The following NPR3 variants were observed in gnomAD, a reference collection of about 807,000 sequenced individuals.
NPR3 encodes natriuretic peptide receptor 3.
Under a neutral mutation model 54.5 loss-of-function variants are expected in NPR3, and 34 were observed. The ratio of observed to expected loss-of-function variants is 0.62; its 90% CI spans 0.47 to 0.83. The LOEUF (loss-of-function observed/expected upper bound fraction) is 0.83, where lower values mean the gene tolerates loss of function less well. Ranked by LOEUF, NPR3 falls within the 40% of genes least tolerant of loss-of-function variation. NPR3 has a pLI of 0.00. For missense variants in NPR3, 674 were observed against 720.8 expected, an observed-to-expected ratio of 0.94 and a Z score of 0.74; for synonymous variants, 289 against 297.1, an observed-to-expected ratio of 0.97 and a Z score of 0.28.
chr5:32,759,118 G>T (rs758453933), intron 3 of NPR3, among the ~76,000 whole-genome samples: 2 of 152,146 alleles, frequency 1.3e-5, no homozygotes, highest in Non-Finnish European at 2.9e-5. Flanking sequence ...TGTCTATTAG[G>T]TCCGCTTGGT....
At position 32,789,630 on chromosome 5, in the gene NPR3, C is replaced by T. The variant is rs1156918715; in HGVS notation, c.*3285C>T. ...GCCCTCACTTCTCCCTATTCACAGGCTTCTAAAATCATTAATTTACTCAAG... is the reference window on the plus strand; with the variant it reads ...GCCCTCACTTCTCCCTATTCACAGGTTTCTAAAATCATTAATTTACTCAAG... On this transcript the variant is annotated 3_prime_UTR_variant, in exon 8 of 8. Transcript: ENST00000265074. 1 of 534,760 alleles carries T rather than the reference C, an allele frequency of 1.9e-6. No homozygotes were observed. Among genetic ancestry groups the T allele is most frequent in the South Asian group, 1.4e-5 (1 of 71,588 alleles). 33.1% of individuals were successfully genotyped at this position (534,760 alleles called of 1,614,324 possible).
Position 32,754,037 on chromosome 5 carries a change from G to A in NPR3, c.1059+15007G>A, listed in dbSNP as rs549414787. 5.3e-5 allele frequency among the ~76,000 whole-genome samples: 8 copies of A among 152,326 alleles called. No individual in the cohort carries two copies. The South Asian group carries it at 1.7e-3, about 32-fold the overall frequency. On this transcript the variant is annotated intron_variant, in intron 3 of 7. Coordinates refer to ENST00000265074, the MANE Select transcript of NPR3 (RefSeq NM_001204375.2). Reference sequence around the variant, plus strand: ...CAGCTTGGAAGAAGAGAGACTGACAGGCCACTGCCAGCTTCCTTGGCCACT... The same window carrying A: ...CAGCTTGGAAGAAGAGAGACTGACAAGCCACTGCCAGCTTCCTTGGCCACT...
At chr5:32,724,620 A>T in intron 1 of NPR3, 78 bp from the exon 2 acceptor site, 1 of 1,545,814 alleles carries the variant, frequency 6.5e-7, no homozygotes. Context: ...TCCTTGTCAG[A>T]TGTCCCTTAC....
intron 3 of NPR3, among the ~76,000 whole-genome samples, chr5:32,768,618 T>A (rs2112032930): frequency 6.6e-6 from 1 of 152,104 alleles, no homozygotes; most frequent in Middle Eastern, 3.4e-3. Flanking sequence ...TTACAGGAGG[T>A]GAATGAGGGC....
In NPR3 at chr5:32,711,959, G is replaced by A. The variant is rs1474213281; in HGVS notation, c.183G>A (p.Gln61=). ...QKIEVLVLLP[Q]DDSYLFSLTR... ...TCGAGGTGCTGGTGTTACTGCCCCA[G>A]GATGACTCGTACTTGTTTTCACTCA... The change falls in exon 1 of 8, where the codon CAG becomes CAA. Residue 61 remains glutamine, a synonymous_variant. Transcript: ENST00000265074. 43 of 1,586,554 alleles carry A rather than the reference G, an allele frequency of 2.7e-5. No individual in the cohort carries two copies. The highest frequency in any genetic ancestry group is 3.7e-5 in the Non-Finnish European group (43 of 1,166,092).
chr5:32,758,843 G>A (rs1379287017), intron 3 of NPR3, among the ~76,000 whole-genome samples: 1 of 152,122 alleles, frequency 6.6e-6, no homozygotes, highest in Non-Finnish European at 1.5e-5. Flanking sequence ...CTTTATTTCT[G>A]CCTTCATTTC....
intron 3 of NPR3, among the ~76,000 whole-genome samples, chr5:32,756,825 T>C (rs1740868945): frequency 6.6e-6 from 1 of 152,250 alleles, no homozygotes; most frequent in African/African-American, 2.4e-5. Context: ...TACATATGGC[T>C]AGCCAGTTTT....
chr5:32,775,931 G>A lies in NPR3; in HGVS notation c.1195+1088G>A, dbSNP rs984031474. Reference sequence around the variant, plus strand: ...CATTATCTCATCTCAAGCAACTTCTGTTGGCACTGAAAAATTGTACAAGAT... The same window carrying A: ...CATTATCTCATCTCAAGCAACTTCTATTGGCACTGAAAAATTGTACAAGAT... On this transcript the variant is annotated intron_variant, in intron 4 of 7. Coordinates refer to ENST00000265074, the MANE Select transcript of NPR3 (RefSeq NM_001204375.2). Among the ~76,000 whole-genome samples the A allele has an allele frequency of 4.7e-4, 72 of 152,140 alleles. 3 individuals are homozygous for A. Among genetic ancestry groups the A allele is most frequent in the African/African-American group, 1.2e-4 (5 of 41,438 alleles).
At position 32,737,919 on chromosome 5, in the gene NPR3, T is replaced by TTTA. The variant is rs905959928; in HGVS notation, c.893-928_893-926dup. Among the ~76,000 whole-genome samples the TTTA allele has an allele frequency of 5.3e-4, 80 of 151,698 alleles. 1 individual carries two copies. In the South Asian group the frequency reaches 7.5e-3, roughly 14 times the overall value. The stretch of plus-strand genomic sequence containing the variant: ...TATAAAGTGCTCAACAAATAGAGCT[T>TTTA]TTATTATTATTATTATTATAATATA... On this transcript the variant is annotated intron_variant, in intron 2 of 7. Transcript: ENST00000265074.
intron 3 of NPR3, among the ~76,000 whole-genome samples, chr5:32,773,315 C>T (rs557305634): frequency 6.6e-6 from 1 of 152,192 alleles, no homozygotes; most frequent in Non-Finnish European, 1.5e-5. Context: ...CATTTCATAT[C>T]CAATAAATGT....
At chr5:32,738,256 T>TAGG (rs1739854681) in intron 2 of NPR3, among the ~76,000 whole-genome samples, 1 of 152,150 alleles carries the variant, frequency 6.6e-6, no homozygotes, top group Admixed American at 6.5e-5. Context: ...TCATCTACAT[T>TAGG]AGATATTTCT....
chr5:32,738,001 A>C (rs1739838317), intron 2 of NPR3, among the ~76,000 whole-genome samples: 1 of 152,138 alleles, frequency 6.6e-6, no homozygotes, highest in Non-Finnish European at 1.5e-5. Context: ...ACTAATGGAC[A>C]TTGTCTAATA....
chr5:32,756,979 C>T (rs1381530133), intron 3 of NPR3, among the ~76,000 whole-genome samples: 1 of 152,170 alleles, frequency 6.6e-6, no homozygotes, highest in Non-Finnish European at 1.5e-5. Context: ...GTTTTGGTAG[C>T]AGTACCATGC....
At chr5:32,765,089 T>G (rs1362069163) in intron 3 of NPR3, among the ~76,000 whole-genome samples, 1 of 152,152 alleles carries the variant, frequency 6.6e-6, no homozygotes. Flanking sequence ...CTGAGAAGCA[T>G]ATTGTTACTA....
At chr5:32,704,765 G>A (rs1478258853), upstream of NPR3, among the ~76,000 whole-genome samples, 1 of 152,190 alleles carries the variant, frequency 6.6e-6, no homozygotes, top group Non-Finnish European at 1.5e-5. Context: ...ACATGCGCTG[G>A]CGTTTGCACA....
chr5:32,731,459 T>A (rs557373958), intron 2 of NPR3, among the ~76,000 whole-genome samples: 16 of 152,310 alleles, frequency 1.1e-4, no homozygotes, highest in Admixed American at 3.9e-4. Context: ...TGCCCTCCCC[T>A]GCAAGCCTTA....
In NPR3 at chr5:32,738,103, C is replaced by A. The variant is rs930440233; in HGVS notation, c.893-761C>A. On this transcript the variant is annotated intron_variant, in intron 2 of 7. Coordinates refer to ENST00000265074, the MANE Select transcript of NPR3 (RefSeq NM_001204375.2). The stretch of plus-strand genomic sequence containing the variant: ...CACCCTGAAAAGATTCAAGAAATAT[C>A]AATAATCTCAAACTTTTATTTTAAT... Among the ~76,000 whole-genome samples the A allele has an allele frequency of 1.1e-4, 17 of 152,068 alleles. 1 individual carries two copies. The highest frequency in any genetic ancestry group is 4.1e-4 in the African/African-American group (17 of 41,390).
At chr5:32,719,671 G>A (rs1738742912) in intron 1 of NPR3, among the ~76,000 whole-genome samples, 1 of 151,800 alleles carries the variant, frequency 6.6e-6, no homozygotes, top group South Asian at 2.1e-4. Context: ...TGTGATAATT[G>A]TATCCTTTTC....
upstream of NPR3, among the ~76,000 whole-genome samples, chr5:32,705,274 C>T (rs887867385): frequency 8.5e-5 from 13 of 152,228 alleles, no homozygotes; most frequent in Non-Finnish European, 1.6e-4. Context: ...ATGAAGCCCA[C>T]AGTGGCAGAC....
Sources: gnomAD v4.1 joint callset for allele counts (sites outside exome capture counted in the v4.1 genomes callset) on GRCh38, gnomAD v4.1.1 for gene constraint, MANE v1.5 for transcripts, NCBI Gene and HGNC (gene_info 2026-07-23, HGNC 2026-07-21) for gene names.